Variants in ANKRD62 observed in about 807,000 individuals in gnomAD.
ANKRD62 encodes ankyrin repeat domain-containing protein 62.
In ANKRD62, 61 loss-of-function variants were observed where a neutral mutation model predicts 98.8. The ratio of observed to expected loss-of-function variants is 0.62; its 90% CI spans 0.50 to 0.76. The LOEUF (loss-of-function observed/expected upper bound fraction) is 0.76. Ranked by LOEUF, ANKRD62 falls within the 30% of genes least tolerant of loss-of-function variation. The probability of loss-of-function intolerance (pLI) is 0.00; values close to 1 mark genes in which losing one functional copy is unlikely to be tolerated. For missense variants in ANKRD62, 933 were observed against 1,082.9 expected, an observed-to-expected ratio of 0.86 and a Z score of 1.94; for synonymous variants, 341 against 367.9, an observed-to-expected ratio of 0.93 and a Z score of 0.84.
intron 8 of ANKRD62, among the ~76,000 whole-genome samples, chr18:12,114,609 A>G (rs577139725): frequency 2.0e-5 from 3 of 152,186 alleles, no homozygotes; most frequent in South Asian, 4.1e-4. Context: ...ACTTAAATAC[A>G]TGTACAGTGT....
chr18:12,162,578 C>T, the ANKRD62 span, among the ~76,000 whole-genome samples: 1 of 151,924 alleles, frequency 6.6e-6, no homozygotes, highest in South Asian at 2.1e-4. Context: ...GGGCATTGCT[C>T]AAAAAAATCT....
In ANKRD62 at chr18:12,116,455, G is replaced by A. The variant is rs577112637; in HGVS notation, c.1240+921G>A. 2.0e-5 allele frequency among the ~76,000 whole-genome samples: 3 copies of A among 152,252 alleles called. No individual in the cohort carries two copies. In the East Asian group the frequency reaches 5.8e-4, roughly 29 times the overall value. ...TGTTTCATGCACAAAATTATTAAAA[G>A]TATTTTTTTAATTACCATCTGTCTT... On this transcript the variant is annotated intron_variant, in intron 10 of 13. Transcript: ENST00000587848.
intron 8 of ANKRD62, among the ~76,000 whole-genome samples, chr18:12,113,582 C>T (rs1490247243): frequency 6.6e-6 from 1 of 152,102 alleles, no homozygotes; most frequent in African/African-American, 2.4e-5. Flanking sequence ...GCCAAGATCA[C>T]GCCACTGCAC....
the ANKRD62 span, among the ~76,000 whole-genome samples, chr18:12,157,033 C>T: frequency 6.6e-6 from 1 of 152,156 alleles, no homozygotes; most frequent in Non-Finnish European, 1.5e-5. Flanking sequence ...CTCGGCCCCG[C>T]AAAGTGCTGA....
intron 10 of ANKRD62, among the ~76,000 whole-genome samples, chr18:12,119,721 C>A (rs976915519): frequency 6.6e-6 from 1 of 151,928 alleles, no homozygotes; most frequent in East Asian, 1.9e-4. Flanking sequence ...TATCCCTCTG[C>A]TTGCTTTGGA....
chr18:12,176,283 G>T, the ANKRD62 span, among the ~76,000 whole-genome samples: 2 of 150,350 alleles, frequency 1.3e-5, no homozygotes, highest in South Asian at 2.1e-4. Context: ...TGAGTAAACC[G>T]CCAAGAGATC....
At chr18:12,119,350 T>A (rs1421587952) in intron 10 of ANKRD62, among the ~76,000 whole-genome samples, 2 of 151,312 alleles carry the variant, frequency 1.3e-5, no homozygotes, top group East Asian at 3.9e-4. Context: ...CTTCTTCTTT[T>A]TTTTTTTTTT....
chr18:12,105,532 C>G (rs950726630), intron 7 of ANKRD62, among the ~76,000 whole-genome samples: 5 of 152,154 alleles, frequency 3.3e-5, no homozygotes, highest in African/African-American at 9.7e-5. Context: ...GATGGTCACT[C>G]TCTTCTCACA....
At chr18:12,162,070 G>A in the ANKRD62 span, among the ~76,000 whole-genome samples, 37 of 152,102 alleles carry the variant, frequency 2.4e-4, no homozygotes, top group Admixed American at 3.9e-4. Context: ...TCATATGGAA[G>A]ATCTAGTTTT....
chr18:12,141,411 T>A, the ANKRD62 span, among the ~76,000 whole-genome samples: 1 of 152,188 alleles, frequency 6.6e-6, no homozygotes, highest in Non-Finnish European at 1.5e-5. Context: ...AATGCAAAAA[T>A]CACCCGTCTT....
chr18:12,173,574 T>A, the ANKRD62 span, among the ~76,000 whole-genome samples: 1 of 152,232 alleles, frequency 6.6e-6, no homozygotes, highest in East Asian at 1.9e-4. Flanking sequence ...GTTTATGTGG[T>A]TGCTTTATAA....
At chr18:12,136,329 G>T in the ANKRD62 span, among the ~76,000 whole-genome samples, 1 of 151,838 alleles carries the variant, frequency 6.6e-6, no homozygotes, top group East Asian at 1.9e-4. Context: ...GTTTTTGTCC[G>T]GTTTGTCAAA....
At chr18:12,107,929 A>G (rs1212606315) in intron 8 of ANKRD62, among the ~76,000 whole-genome samples, 2 of 152,192 alleles carry the variant, frequency 1.3e-5, no homozygotes, top group African/African-American at 4.8e-5. Flanking sequence ...ATAACATGCA[A>G]TAGGCCAACA....
At chr18:12,164,750 T>C in the ANKRD62 span, among the ~76,000 whole-genome samples, 1 of 152,004 alleles carries the variant, frequency 6.6e-6, no homozygotes, top group Admixed American at 6.6e-5. Context: ...CCACTGGTTC[T>C]TCAGGAACAT....
At chr18:12,097,501 A>G in intron 4 of ANKRD62, 139 bp from the exon 5 acceptor site, 1 of 945,106 alleles carries the variant, frequency 1.1e-6, no homozygotes, top group South Asian at 2.0e-5. Context: ...TTGAGCACCC[A>G]AGATGTTTGT....
chr18:12,108,610 CA>C (rs1909467072), intron 8 of ANKRD62, among the ~76,000 whole-genome samples: 1 of 152,140 alleles, frequency 6.6e-6, no homozygotes, highest in Non-Finnish European at 1.5e-5. Context: ...ATTTCAAAAC[CA>C]ATACTGCCTT....
At position 12,126,181 on chromosome 18, in the gene ANKRD62, A is replaced by G; in HGVS notation, c.2360A>G (p.Gln787Arg). Residue 787 changes from glutamine to arginine, a missense_variant, in exon 13 of 14, where the codon CAA becomes CGA. Gln to Arg is a conservative substitution (Grantham distance 43). Around this residue, in one of 3 missense-constraint regions of ANKRD62, gnomAD observed 362 missense variants for 434.5 expected, o/e 0.83. Transcript: ENST00000587848. ...FQLQSQNLLY[Q>R]QQCNDARKKA... Reference sequence around the variant, plus strand: ...CTACAAAGCCAAAATCTGTTGTATCAACAGCAGTGTAATGATGCTCGCAAG... The same window carrying G: ...CTACAAAGCCAAAATCTGTTGTATCGACAGCAGTGTAATGATGCTCGCAAG... 1 of 1,536,124 alleles carries G rather than the reference A, an allele frequency of 6.5e-7. No homozygotes were observed. The highest frequency in any genetic ancestry group is 1.2e-5 in the South Asian group (1 of 84,060).
chr18:12,118,276 A>G (rs950988612), intron 10 of ANKRD62, among the ~76,000 whole-genome samples: 1 of 152,022 alleles, frequency 6.6e-6, no homozygotes, highest in Non-Finnish European at 1.5e-5. Context: ...ATAGTTTTAC[A>G]TTTTCCAGAA....
chr18:12,122,966 T>C (rs1909811861), intron 11 of ANKRD62, among the ~76,000 whole-genome samples: 1 of 152,156 alleles, frequency 6.6e-6, no homozygotes, highest in East Asian at 1.9e-4. Context: ...AAGTTTATAA[T>C]TTATAATTTG....
Sources: gnomAD v4.1 joint callset for allele counts (sites outside exome capture counted in the v4.1 genomes callset) on GRCh38, gnomAD v4.1.1 for gene constraint, gnomAD v4.1.1 regional missense constraint, MANE v1.5 for transcripts, NCBI Gene and HGNC (gene_info 2026-07-23, HGNC 2026-07-21) for gene names.